The following HERC3 variants were observed in gnomAD, a reference collection of about 807,000 sequenced individuals.
The protein encoded by HERC3 is probable E3 ubiquitin-protein ligase HERC3.
HERC3 carries 58 observed loss-of-function variants against 129.9 expected under a neutral mutation model. That is an observed-to-expected ratio of 0.45 (90% confidence interval 0.36 to 0.56). The LOEUF (loss-of-function observed/expected upper bound fraction) is 0.56. Ranked by LOEUF, HERC3 falls within the 20% of genes least tolerant of loss-of-function variation. The probability of loss-of-function intolerance (pLI) is 0.00; values close to 1 mark genes in which losing one functional copy is unlikely to be tolerated. For synonymous variants in HERC3, 430 were observed against 451.0 expected (o/e 0.95, Z 0.59); for missense variants, 835 against 1,244.2 (o/e 0.67, Z 4.95).
chr4:88,606,572 A>G (rs980664762), intron 3 of HERC3, among the ~76,000 whole-genome samples: 1 of 152,156 alleles, frequency 6.6e-6, no homozygotes, highest in Non-Finnish European at 1.5e-5. Flanking sequence ...GGCAGTTTAG[A>G]AAAGAAAGAG....
At position 88,662,417 on chromosome 4, in the gene HERC3, A is replaced by G. The variant is rs754391271; in HGVS notation, c.1147-14A>G. ...CATAATTTCTTCTTTTTACTGTTAC[A>G]TTTAATTCTCCAGAATTATTCTCCT... On this transcript the variant is annotated splice_polypyrimidine_tract_variant and intron_variant, in intron 10 of 25. Coordinates refer to ENST00000402738, the MANE Select transcript of HERC3 (RefSeq NM_014606.3). The G allele has an allele frequency of 1.3e-6, 2 of 1,599,384 alleles. No homozygotes were observed. Among genetic ancestry groups the G allele is most frequent in the Admixed American group, 1.8e-5 (1 of 56,328 alleles).
intron 3 of HERC3, among the ~76,000 whole-genome samples, chr4:88,612,125 T>C (rs1034980645): frequency 2.0e-5 from 3 of 152,216 alleles, no homozygotes; most frequent in African/African-American, 7.2e-5. Flanking sequence ...AGAGCAGTGA[T>C]ATAAAGCACC....
At chr4:88,545,016 G>A in the HERC3 span, among the ~76,000 whole-genome samples, 1 of 152,024 alleles carries the variant, frequency 6.6e-6, no homozygotes, top group South Asian at 2.1e-4. Context: ...AAACCTGCAT[G>A]TTGTGCACAC....
the HERC3 span, chr4:88,523,905 G>A: frequency 1.8e-5 from 10 of 548,248 alleles, no homozygotes; most frequent in Admixed American, 3.9e-5. Context: ...CTATAGTCCG[G>A]AGGACAGCCC....
At chr4:88,701,841 C>T (rs1329621801) in intron 23 of HERC3, among the ~76,000 whole-genome samples, 6 of 141,542 alleles carry the variant, frequency 4.2e-5, no homozygotes, top group African/African-American at 1.6e-4. Flanking sequence ...CTTGCTTTGT[C>T]ACCCGGGCTG....
chr4:88,653,581 G>A (rs1389095973), intron 6 of HERC3, among the ~76,000 whole-genome samples: 1 of 152,212 alleles, frequency 6.6e-6, no homozygotes, highest in East Asian at 1.9e-4. Context: ...CTCAGTGAGA[G>A]GGGAAGACCC....
chr4:88,666,448 T>TAAC (rs752014700), intron 12 of HERC3, among the ~76,000 whole-genome samples: 16 of 152,124 alleles, frequency 1.1e-4, no homozygotes, highest in Non-Finnish European at 1.9e-4. Context: ...TTAAAAACAA[T>TAAC]AACAACAACA....
At chr4:88,593,049 G>GGAGCTGGCGAATGC (rs1308582302) in intron 1 of HERC3, among the ~76,000 whole-genome samples, 1 of 152,210 alleles carries the variant, frequency 6.6e-6, no homozygotes, top group Non-Finnish European at 1.5e-5. Context: ...AATTGAAATG[G>GGAGCTGGCGAATGC]GAGCTGGCGA....
At position 88,678,109 on chromosome 4, in the gene HERC3, A is replaced by C; in HGVS notation, c.2171A>C (p.Asp724Ala). ...CTAAGAGAGCTGAGCATTCATTCTG[A>C]TATTGATTTGAAAAAGCCTCTCAAA... Reference protein sequence around the residue: ...DALRELSIHSDIDLKKPLKVI... With the variant: ...DALRELSIHSAIDLKKPLKVI... Residue 724 changes from aspartate (D) to alanine (A), a missense_variant, in exon 19 of 26, where the codon GAT becomes GCT. Physicochemically the swap from Asp to Ala is moderately radical, Grantham distance 126. Coordinates refer to ENST00000402738, the MANE Select transcript of HERC3 (RefSeq NM_014606.3). 1 of 1,613,918 alleles carries C rather than the reference A, an allele frequency of 6.2e-7. No individual in the cohort carries two copies. The highest frequency in any genetic ancestry group is 8.5e-7 in the Non-Finnish European group (1 of 1,179,972).
Position 88,652,026 on chromosome 4 carries a change from T to A in HERC3, c.401T>A (p.Leu134Gln). 6.2e-7 allele frequency: 1 copy of A among 1,613,604 alleles called. No homozygotes were observed. The highest frequency in any genetic ancestry group is 8.5e-7 in the Non-Finnish European group (1 of 1,179,494). Residue 134 changes from leucine (L) to glutamine (Q), a missense_variant, in exon 5 of 26, where the codon CTG (leucine) becomes CAG (glutamine). Physicochemically the swap from Leu to Gln is moderately radical, Grantham distance 113. Transcript: ENST00000402738. ...TTCTGTTTTAGGTTAATACAAAAGC[T>A]GAACCAGCAAACAATATTACAAGTT... ...SVAVPRLIQK[L>Q]NQQTILQVSC...
At chr4:88,663,953 T>A (rs1008671053) in intron 11 of HERC3, among the ~76,000 whole-genome samples, 200 bp from the exon 12 acceptor site, 1 of 152,162 alleles carries the variant, frequency 6.6e-6, no homozygotes, top group African/African-American at 2.4e-5. Context: ...TCCCCTAACA[T>A]GGGAAACTTA....
intron 18 of HERC3, among the ~76,000 whole-genome samples, chr4:88,676,857 A>G (rs977657614): frequency 6.6e-6 from 1 of 152,206 alleles, no homozygotes; most frequent in Non-Finnish European, 1.5e-5. Context: ...AAATGTAGAA[A>G]CCATGCCGGG....
chr4:88,629,400 C>G (rs781093385), intron 3 of HERC3, among the ~76,000 whole-genome samples: 24 of 152,142 alleles, frequency 1.6e-4, no homozygotes, highest in South Asian at 8.3e-4. Context: ...ACCTACTTTT[C>G]CACTTACTAT....
chr4:88,701,926 C>G (rs1025064487), intron 23 of HERC3, among the ~76,000 whole-genome samples: 2 of 151,698 alleles, frequency 1.3e-5, no homozygotes, highest in African/African-American at 4.8e-5. Flanking sequence ...CCTCAGCCTT[C>G]TGAGCAGCTG....
chr4:88,530,229 G>A, the HERC3 span, among the ~76,000 whole-genome samples: 6 of 152,176 alleles, frequency 3.9e-5, no homozygotes, highest in Non-Finnish European at 7.4e-5. Flanking sequence ...CGTGGAGGTT[G>A]CAGTGAGCCA....
the HERC3 span, among the ~76,000 whole-genome samples, chr4:88,562,674 T>C: frequency 1.6e-4 from 24 of 152,222 alleles, no homozygotes; most frequent in African/African-American, 5.5e-4. Context: ...GATTTGATTT[T>C]TCCGTATGGC....
chr4:88,673,585 T>C (rs1731839694), intron 16 of HERC3, among the ~76,000 whole-genome samples: 1 of 152,206 alleles, frequency 6.6e-6, no homozygotes, highest in Non-Finnish European at 1.5e-5. Flanking sequence ...CCAAGACAAG[T>C]AGCCTCTCAG....
chr4:88,572,122 G>C, the HERC3 span, among the ~76,000 whole-genome samples: 1 of 152,134 alleles, frequency 6.6e-6, no homozygotes, highest in Non-Finnish European at 1.5e-5. Flanking sequence ...AAGCAGAGAG[G>C]TCTCAGAAGA....
the HERC3 span, among the ~76,000 whole-genome samples, chr4:88,542,597 A>G: frequency 6.6e-6 from 1 of 152,246 alleles, no homozygotes; most frequent in Non-Finnish European, 1.5e-5. Context: ...TGAGGCCAGC[A>G]TCATCCTGAT....
Sources: allele counts gnomAD v4.1 joint callset (sites outside exome capture counted in the v4.1 genomes callset), GRCh38; gene constraint gnomAD v4.1.1; transcripts MANE v1.5; gene names NCBI Gene and HGNC (gene_info 2026-07-23, HGNC 2026-07-21).